The following PLIN5 variants were observed in gnomAD, a reference collection of about 807,000 sequenced individuals.
PLIN5 encodes perilipin 5.
In PLIN5, 34 loss-of-function variants were observed where a neutral mutation model predicts 32.8. The ratio of observed to expected loss-of-function variants is 1.04; its 90% CI spans 0.79 to 1.38. The LOEUF (loss-of-function observed/expected upper bound fraction) is 1.38, where lower values mean the gene tolerates loss of function less well. PLIN5 is among the 40% of genes most tolerant of loss of function. The probability of loss-of-function intolerance (pLI) is 0.00; values close to 1 mark genes in which losing one functional copy is unlikely to be tolerated. For synonymous variants in PLIN5, 309 were observed against 292.9 expected (o/e 1.05, Z -0.56); for missense variants, 712 against 660.5 (o/e 1.08, Z -0.85).
chr19:4,526,227 T>C (rs1015724371), intron 5 of PLIN5, among the ~76,000 whole-genome samples: 9 of 151,234 alleles, frequency 6.0e-5, no homozygotes, highest in African/African-American at 1.7e-4. Context: ...GCTTAACCAT[T>C]TTTTTTTTCT....
chr19:4,529,177 C>T lies in PLIN5; in HGVS notation c.416G>A (p.Trp139Ter). 1 of 1,613,196 alleles carries T rather than the reference C, an allele frequency of 6.2e-7. No individual in the cohort carries two copies. Among genetic ancestry groups the T allele is most frequent in the East Asian group, 2.2e-5 (1 of 44,870 alleles). Residue 139 changes from tryptophan (W) to a stop codon, truncating the protein, a stop_gained, in exon 5 of 8, where the codon TGG (tryptophan) becomes TAG (stop). Coordinates refer to ENST00000381848, the MANE Select transcript of PLIN5 (RefSeq NM_001013706.3). LOFTEE classifies it high-confidence loss of function. ...CACGGAGCGCTTCAGCTCCACGCTC[C>T]AGCGCCGGCCCCTCCGGGCCAGGTC... Reference protein sequence around the residue: ...VVDLARRGRRWSVELKRSVSH... With the variant: ...VVDLARRGRR
At chr19:4,524,169 G>T in intron 7 of PLIN5, 84 bp from the exon 8 acceptor site, 1 of 1,312,640 alleles carries the variant, frequency 7.6e-7, no homozygotes, top group Non-Finnish European at 9.9e-7. Flanking sequence ...TGGACCCACA[G>T]TGGAGCTGTC....
intron 4 of PLIN5, chr19:4,529,493 CACATATACAT>C (rs1355059574): frequency 1.1e-5 from 6 of 545,414 alleles, no homozygotes; most frequent in South Asian, 2.6e-5. Context: ...CACATATACA[CACATATACAT>C]ATATACATGT....
chr19:4,534,156 G>A (rs1373451480), intron 1 of PLIN5, 61 bp from the exon 2 acceptor site: 44 of 1,461,922 alleles, frequency 3.0e-5, no homozygotes, highest in Non-Finnish European at 3.8e-5. Flanking sequence ...GTCAAATTGG[G>A]CTCTGTGACT....
intron 4 of PLIN5, 174 bp downstream of exon 4, chr19:4,529,610 T>TATACACACAC (rs533772328): frequency 1.6e-4 from 69 of 432,482 alleles, no homozygotes; most frequent in South Asian, 1.5e-3. Flanking sequence ...CATATATGTA[T>TATACACACAC]ACACACACAC....
At position 4,525,155 on chromosome 19, in the gene PLIN5, G is replaced by A; in HGVS notation, c.721-79C>T. 1.2e-6 allele frequency: 1 copy of A among 854,472 alleles called. No individual in the cohort carries two copies. 52.9% of individuals were successfully genotyped at this position (854,472 alleles called of 1,614,324 possible). A position where few individuals can be genotyped will look rare whatever the true frequency, so the allele number is the denominator to read the frequency against. ...GGTCGGGGTGGGGTCCAGGACCACT[G>A]ATCTGGCCTCAGTAAGCATTTAGGA... On this transcript the variant is annotated intron_variant, in intron 6 of 7. Transcript: ENST00000381848. The surrounding 1 kb of genome is among the most constrained non-coding windows in gnomAD (Gnocchi z 5.6).
Position 4,523,756 on chromosome 19 carries a change from G to A in PLIN5, c.1164C>T (p.Pro388=). Residue 388 remains proline (P), a synonymous_variant, in exon 8 of 8, where the codon CCC becomes CCT. Coordinates refer to ENST00000381848, the MANE Select transcript of PLIN5 (RefSeq NM_001013706.3). This position sits in a 1 kb window ranked among gnomAD's most constrained non-coding sequence, Gnocchi z 5.0. ...CCACCAGGTCCGCCAGGTCGGGCAGGGGCTCGGGTCGCTCCACAAGGATGG... is the reference window on the plus strand; with the variant it reads ...CCACCAGGTCCGCCAGGTCGGGCAGAGGCTCGGGTCGCTCCACAAGGATGG... ...FAPILVERPE[P]LPDLADLVDE... 1 of 1,599,986 alleles carries A rather than the reference G, an allele frequency of 6.3e-7. No homozygotes were observed. The highest frequency in any genetic ancestry group is 2.2e-5 in the East Asian group (1 of 44,858).
At chr19:4,526,172 A>G (rs1365414098) in intron 5 of PLIN5, among the ~76,000 whole-genome samples, 1 of 152,182 alleles carries the variant, frequency 6.6e-6, no homozygotes, top group Non-Finnish European at 1.5e-5. Flanking sequence ...TGCAGGATCC[A>G]AGAAGCAGAC....
intron 4 of PLIN5, 96 bp from the exon 5 acceptor site, chr19:4,529,349 A>G (rs1427867409): frequency 5.2e-6 from 7 of 1,354,316 alleles, no homozygotes; most frequent in Admixed American, 2.4e-5. Context: ...AGATCCCTGG[A>G]CTTCTACCTG....
rs1445117827 is a variant in PLIN5 at position 4,529,796 on chromosome 19, T to C, written c.327A>G (p.Gln109=). 2 of 1,610,868 alleles carry C rather than the reference T, an allele frequency of 1.2e-6. No individual in the cohort carries two copies. Among genetic ancestry groups the C allele is most frequent in the Admixed American group, 1.7e-5 (1 of 59,938 alleles). Residue 109 remains glutamine, a synonymous_variant, in exon 4 of 8, where the codon CAA becomes CAG. Coordinates refer to ENST00000381848, the MANE Select transcript of PLIN5 (RefSeq NM_001013706.3). Reference sequence around the variant, plus strand: ...TCGTCCGGGGTACCGTCTCCGAAGGTTGCTGGAGAAAGGGAAGCTTCTCTT... The same window carrying C: ...TCGTCCGGGGTACCGTCTCCGAAGGCTGCTGGAGAAAGGGAAGCTTCTCTT... ...KLEEKLPFLQ[Q]PSETVVTSAK... is the part of the protein sequence containing the mutation.
intron 5 of PLIN5, among the ~76,000 whole-genome samples, chr19:4,526,446 T>G (rs1430691566): frequency 6.6e-6 from 1 of 152,170 alleles, no homozygotes; most frequent in Admixed American, 6.6e-5. Flanking sequence ...GGTCTAGAAC[T>G]CCTGAGCTCA....
In PLIN5 at chr19:4,525,591, T is replaced by C. The variant is rs760908691; in HGVS notation, c.720+42A>G. 45 of 1,602,722 alleles carry C rather than the reference T, an allele frequency of 2.8e-5. No homozygotes were observed. Among genetic ancestry groups the C allele is most frequent in the Non-Finnish European group, 3.7e-5 (44 of 1,176,380 alleles). On this transcript the variant is annotated intron_variant, in intron 6 of 7. Transcript: ENST00000381848. This position sits in a 1 kb window ranked among gnomAD's most constrained non-coding sequence, Gnocchi z 5.6. Reference sequence around the variant, plus strand: ...TCAGCTGGTGCTCAATCCATACTGATTGGCCTGCATCCCGGAGCAGGGGCG... The same window carrying C: ...TCAGCTGGTGCTCAATCCATACTGACTGGCCTGCATCCCGGAGCAGGGGCG...
intron 5 of PLIN5, 126 bp downstream of exon 5, chr19:4,528,947 T>G: frequency 5.6e-6 from 6 of 1,070,908 alleles, no homozygotes; most frequent in Non-Finnish European, 7.9e-6. Context: ...GGCCTGGTTT[T>G]GAGTTGTATG....
At chr19:4,529,911 G>A (rs779932326) in intron 3 of PLIN5, 45 bp from the exon 4 acceptor site, 2 of 1,298,832 alleles carry the variant, frequency 1.5e-6, no homozygotes, top group Non-Finnish European at 2.2e-6. Context: ...AGACGCAGAG[G>A]GAGATAGGGA....
rs780924672 is a variant in PLIN5, at chr19:4,529,225, G to T, written c.368C>A (p.Ala123Asp). ...TVVTSAKDVV[A>D]SSVTGVVDLA... ...GTCCACCACACCCGTGACACTGCTG[G>T]CCACCACGTCCTTGGCTGAGGTCAC... The change falls in exon 5 of 8, where the codon GCC (alanine) becomes GAC (aspartate). Residue 123 changes from alanine to aspartate, a missense_variant. By Grantham distance (126) the Ala-to-Asp change is moderately radical (BLOSUM62 -2). Coordinates refer to ENST00000381848, the MANE Select transcript of PLIN5 (RefSeq NM_001013706.3). 1 of 1,610,672 alleles carries T rather than the reference G, an allele frequency of 6.2e-7. No individual in the cohort carries two copies. Among genetic ancestry groups the T allele is most frequent in the East Asian group, 2.2e-5 (1 of 44,648 alleles).
chr19:4,531,572 G>A (rs1240494921), intron 3 of PLIN5, 55 bp downstream of exon 3: 2 of 1,449,708 alleles, frequency 1.4e-6, no homozygotes, highest in Non-Finnish European at 1.8e-6. Flanking sequence ...TGGGACAGGG[G>A]GCGGTGGGGG....
chr19:4,530,617 G>A (rs1976871960), intron 3 of PLIN5, among the ~76,000 whole-genome samples: 2 of 152,148 alleles, frequency 1.3e-5, no homozygotes, highest in Non-Finnish European at 2.9e-5. Flanking sequence ...GATGGATAGG[G>A]ACAGAGAGGA....
intron 1 of PLIN5, chr19:4,534,423 A>C (rs1976923551): frequency 3.7e-6 from 1 of 269,696 alleles, no homozygotes; most frequent in Non-Finnish European, 7.1e-6. Flanking sequence ...CCCAGGCTGG[A>C]GAGCAGTGGC....
intron 5 of PLIN5, among the ~76,000 whole-genome samples, chr19:4,527,363 C>T (rs1276542943): frequency 5.9e-5 from 9 of 151,640 alleles, no homozygotes; most frequent in Middle Eastern, 3.4e-3. Context: ...TAAGCCACCG[C>T]GCCCGGCCTA....
Sources: gnomAD v4.1 joint callset for allele counts (sites outside exome capture counted in the v4.1 genomes callset) on GRCh38, gnomAD v4.1.1 for gene constraint, Gnocchi (gnomAD v3.1) non-coding constraint, MANE v1.5 for transcripts, NCBI Gene and HGNC (gene_info 2026-07-23, HGNC 2026-07-21) for gene names.